The following TP53BP1 variants were observed in gnomAD, a reference collection of about 807,000 sequenced individuals.
TP53BP1 encodes TP53-binding protein 1.
Under a neutral mutation model 200.8 loss-of-function variants are expected in TP53BP1, and 61 were observed. That is an observed-to-expected ratio of 0.30 (90% CI 0.25 to 0.38). The LOEUF (loss-of-function observed/expected upper bound fraction) is 0.38. Among genes scored for constraint, TP53BP1 ranks in the 10% least tolerant of loss-of-function variants. The pLI is 1.00. For synonymous variants in TP53BP1, 822 were observed against 844.3 expected, an observed-to-expected ratio of 0.97 and a Z score of 0.46; for missense variants, 2,144 against 2,371.9, an observed-to-expected ratio of 0.90 and a Z score of 2.00.
intron 10 of TP53BP1, among the ~76,000 whole-genome samples, chr15:43,471,453 G>T (rs2046723225): frequency 6.6e-6 from 1 of 151,500 alleles, no homozygotes; most frequent in African/African-American, 2.4e-5. Context: ...TTGAGACAGG[G>T]TCTCGCTCTG....
intron 4 of TP53BP1, among the ~76,000 whole-genome samples, chr15:43,489,565 C>T (rs1296341494): frequency 6.6e-6 from 1 of 152,138 alleles, no homozygotes; most frequent in African/African-American, 2.4e-5. Context: ...CCTCAGTGTC[C>T]AAGTACAATA....
At chr15:43,502,203 G>T (rs1234238359) in intron 1 of TP53BP1, among the ~76,000 whole-genome samples, 1 of 151,984 alleles carries the variant, frequency 6.6e-6, no homozygotes, top group Admixed American at 6.6e-5. Context: ...CCAGCCTGTA[G>T]TACCAGCTAC....
upstream of TP53BP1, among the ~76,000 whole-genome samples, chr15:43,497,973 T>G (rs1443948589): frequency 2.0e-5 from 3 of 152,176 alleles, no homozygotes; most frequent in African/African-American, 7.2e-5. Context: ...CATAAAAAAT[T>G]TTAATAACAG....
upstream of TP53BP1, chr15:43,497,541 A>T (rs1488148218): frequency 1.4e-6 from 1 of 720,526 alleles, no homozygotes; most frequent in East Asian, 1.3e-4. Flanking sequence ...AGCCAGTACT[A>T]TAGAATAAAA....
chr15:43,507,722 C>CTT (rs900254099), intron 1 of TP53BP1, among the ~76,000 whole-genome samples: 1 of 145,042 alleles, frequency 6.9e-6, no homozygotes, highest in African/African-American at 2.5e-5. Flanking sequence ...TTTCTTTTTT[C>CTT]TTTTTTTTTT....
In TP53BP1 at chr15:43,406,636, G is replaced by A. The variant is rs1325774261; in HGVS notation, c.*747C>T. On this transcript the variant is annotated 3_prime_UTR_variant, in exon 28 of 28. Coordinates refer to ENST00000382044, the MANE Select transcript of TP53BP1 (RefSeq NM_001141980.3). ...TGTTGACCCCTGCTTTAGAGAATGA[G>A]AAGCCATGCAGGGATCAGTGATGCC... 2.2e-6 allele frequency: 1 copy of A among 455,842 alleles called. No individual in the cohort carries two copies. Among genetic ancestry groups the A allele is most frequent in the East Asian group, 6.9e-5 (1 of 14,414 alleles). The allele number at this position is 455,842 out of a possible 1,614,324, so 28.2% of individuals were successfully genotyped here.
At chr15:43,462,411 C>T (rs1310285042) in intron 11 of TP53BP1, among the ~76,000 whole-genome samples, 1 of 151,920 alleles carries the variant, frequency 6.6e-6, no homozygotes, top group Non-Finnish European at 1.5e-5. Flanking sequence ...AGCAATCTTC[C>T]CCGCTCATAC....
intron 11 of TP53BP1, among the ~76,000 whole-genome samples, chr15:43,461,101 T>C (rs1237298248): frequency 6.6e-6 from 1 of 152,110 alleles, no homozygotes; most frequent in Non-Finnish European, 1.5e-5. Context: ...AATAATTCCA[T>C]TTCTGGGAAA....
At chr15:43,410,057 T>C (rs2045066399) in intron 24 of TP53BP1, among the ~76,000 whole-genome samples, 1 of 152,186 alleles carries the variant, frequency 6.6e-6, no homozygotes, top group Admixed American at 6.5e-5. Flanking sequence ...CAGTGACATA[T>C]TCCAACTTGA....
At chr15:43,429,225 AC>A (rs1449766248) in intron 17 of TP53BP1, among the ~76,000 whole-genome samples, 4 of 152,284 alleles carry the variant, frequency 2.6e-5, no homozygotes, top group East Asian at 1.9e-4. Context: ...CCTATTTACC[AC>A]CTCGAATCAT....
Position 43,479,953 on chromosome 15 carries a change from T to G in TP53BP1, c.564A>C (p.Glu188Asp), listed in dbSNP as rs749956200. The part of the protein sequence containing the change: ...LELSQSQDVE[E>D]NTVPYEVDKE... ...TGTCCACTTCATATGGCACAGTATTTTCCTCAACATCCTGGCTCTGGGAGA... is the reference window on the plus strand; with the variant it reads ...TGTCCACTTCATATGGCACAGTATTGTCCTCAACATCCTGGCTCTGGGAGA... Residue 188 changes from glutamate to aspartate, a missense_variant, in exon 6 of 28, where the codon GAA becomes GAC. Coordinates refer to ENST00000382044, the MANE Select transcript of TP53BP1 (RefSeq NM_001141980.3). The G allele has an allele frequency of 6.2e-7, 1 of 1,614,044 alleles. No individual in the cohort carries two copies. Among genetic ancestry groups the G allele is most frequent in the Non-Finnish European group, 8.5e-7 (1 of 1,180,034 alleles).
intron 8 of TP53BP1, among the ~76,000 whole-genome samples, chr15:43,476,428 G>A (rs1566958542): frequency 1.3e-5 from 2 of 152,168 alleles, no homozygotes; most frequent in Admixed American, 6.5e-5. Context: ...GATGGGAGAA[G>A]TCAAAAAAAT....
intron 22 of TP53BP1, among the ~76,000 whole-genome samples, chr15:43,416,013 A>C (rs541465251): frequency 6.6e-6 from 1 of 152,320 alleles, no homozygotes; most frequent in East Asian, 1.9e-4. Flanking sequence ...AGAACTGAGG[A>C]GGCCAGAAAA....
intron 5 of TP53BP1, among the ~76,000 whole-genome samples, chr15:43,480,576 A>C (rs577774112): frequency 3.9e-5 from 6 of 152,382 alleles, no homozygotes; most frequent in African/African-American, 1.2e-4. Flanking sequence ...CTAAAGGTAC[A>C]TCATAAACTA....
At position 43,456,529 on chromosome 15, in the gene TP53BP1, C is replaced by A; in HGVS notation, c.2079G>T (p.Pro693=). 2 of 1,606,898 alleles carry A rather than the reference C, an allele frequency of 1.2e-6. No homozygotes were observed. The highest frequency in any genetic ancestry group is 1.7e-6 in the Non-Finnish European group (2 of 1,176,692). The part of the protein sequence containing the change: ...ELKEENMESV[P]LHLSLTETQS... ...GAGTTTCAGTCAGAGAAAGGTGCAA[C>A]GGAACACTCTCCATATTTTCTTCTT... is the stretch of plus-strand genomic sequence containing the variant. The change falls in exon 12 of 28, where the codon CCG becomes CCT. Residue 693 remains proline, a synonymous_variant. Coordinates refer to ENST00000382044, the MANE Select transcript of TP53BP1 (RefSeq NM_001141980.3).
At chr15:43,425,316 G>A (rs1232776938) in intron 18 of TP53BP1, among the ~76,000 whole-genome samples, 1 of 152,118 alleles carries the variant, frequency 6.6e-6, no homozygotes, top group African/African-American at 2.4e-5. Context: ...ACTTTAGAAA[G>A]CACCATATAA....
At chr15:43,448,871 A>G (rs2046102559) in intron 12 of TP53BP1, among the ~76,000 whole-genome samples, 1 of 152,248 alleles carries the variant, frequency 6.6e-6, no homozygotes, top group Admixed American at 6.5e-5. Context: ...TCATGCCTGT[A>G]ATCCCAACAC....
At chr15:43,449,414 T>C (rs1478229359) in intron 12 of TP53BP1, among the ~76,000 whole-genome samples, 1 of 152,288 alleles carries the variant, frequency 6.6e-6, no homozygotes, top group Non-Finnish European at 1.5e-5. Context: ...ACATACTATA[T>C]TACGCAAATG....
At chr15:43,507,776 C>G (rs1034551958) in intron 1 of TP53BP1, among the ~76,000 whole-genome samples, 6 of 151,486 alleles carry the variant, frequency 4.0e-5, no homozygotes, top group African/African-American at 2.4e-5. Flanking sequence ...CAAGCTAGAG[C>G]GCAGTGGCGA....
Sources: gnomAD v4.1 joint callset for allele counts (sites outside exome capture counted in the v4.1 genomes callset) on GRCh38, gnomAD v4.1.1 for gene constraint, MANE v1.5 for transcripts, NCBI Gene and HGNC (gene_info 2026-07-23, HGNC 2026-07-21) for gene names.